PCDHGB1: variants seen among roughly 807,000 people sequenced by gnomAD.
The protein encoded by PCDHGB1 is protocadherin gamma subfamily B, 1.
Under a neutral mutation model 56.6 loss-of-function variants are expected in PCDHGB1, and 34 were observed. That is an observed-to-expected ratio of 0.60 (90% CI 0.46 to 0.80). The LOEUF (loss-of-function observed/expected upper bound fraction) is 0.80. Among genes scored for constraint, PCDHGB1 ranks in the 30% least tolerant of loss-of-function variants. The pLI, the probability that PCDHGB1 is intolerant of heterozygous loss-of-function variation, is 0.00. For missense variants in PCDHGB1, 1,278 were observed against 1,204.6 expected, an observed-to-expected ratio of 1.06 and a Z score of -0.90; for synonymous variants, 561 against 505.9, an observed-to-expected ratio of 1.11 and a Z score of -1.46.
chr5:141,393,896 T>G (rs754023896), intron 1 of PCDHGB1: 1 of 1,613,942 alleles, frequency 6.2e-7, no homozygotes, highest in Non-Finnish European at 8.5e-7. Context: ...AAAATTCTCT[T>G]CCCGGGACAG....
At chr5:141,460,035 A>G (rs1246945474) in intron 1 of PCDHGB1, among the ~76,000 whole-genome samples, 1 of 152,140 alleles carries the variant, frequency 6.6e-6, no homozygotes, top group Non-Finnish European at 1.5e-5. Context: ...CCGAGACTGC[A>G]CCACTGCACT....
intron 2 of PCDHGB1, among the ~76,000 whole-genome samples, chr5:141,502,152 C>T (rs1306227782): frequency 2.0e-5 from 3 of 152,128 alleles, no homozygotes; most frequent in African/African-American, 4.8e-5. Flanking sequence ...AAGTAAGGAC[C>T]CCAGATATTC....
intron 1 of PCDHGB1, chr5:141,383,053 C>G: frequency 6.2e-7 from 1 of 1,613,896 alleles, no homozygotes; most frequent in South Asian, 1.1e-5. Context: ...CGCCAAGGAC[C>G]TGGGGCTGGA....
chr5:141,422,723 G>A lies in PCDHGB1; in HGVS notation c.2409+70054G>A. The stretch of plus-strand genomic sequence containing the variant: ...TCTCTGACGGATGACACTGTCCAGG[G>A]GGTGCCTCTGTCCTCCTATGTCTCT... On this transcript the variant is annotated intron_variant, in intron 1 of 3. Coordinates refer to ENST00000523390, the MANE Select transcript of PCDHGB1 (RefSeq NM_018922.3). The A allele has an allele frequency of 1.2e-6, 2 of 1,605,958 alleles. No homozygotes were observed. The highest frequency in any genetic ancestry group is 1.7e-6 in the Non-Finnish European group (2 of 1,175,478).
intron 1 of PCDHGB1, chr5:141,417,652 GCCTGGGATTC>G: frequency 2.4e-6 from 2 of 840,506 alleles, no homozygotes; most frequent in Non-Finnish European, 3.5e-6. Context: ...TCAGCCTCTA[GCCTGGGATTC>G]CCTGCGCAGC....
At chr5:141,419,792 G>T (rs1379811891) in intron 1 of PCDHGB1, 15 of 1,613,924 alleles carry the variant, frequency 9.3e-6, no homozygotes, top group African/African-American at 2.7e-5. Flanking sequence ...CCTGCTAGTC[G>T]CTGTAAGAGA....
chr5:141,355,930 C>G, intron 1 of PCDHGB1: 19 of 1,613,870 alleles, frequency 1.2e-5, no homozygotes, highest in Non-Finnish European at 1.6e-5. Flanking sequence ...CGTGTTCACT[C>G]AGCCCGAGTA....
intron 1 of PCDHGB1, among the ~76,000 whole-genome samples, chr5:141,471,744 A>G (rs2099263733): frequency 6.6e-6 from 1 of 152,208 alleles, no homozygotes; most frequent in South Asian, 2.1e-4. Context: ...GAGACATAAC[A>G]TATTTGAGGG....
intron 1 of PCDHGB1, chr5:141,370,873 C>T: frequency 6.2e-7 from 1 of 1,614,064 alleles, no homozygotes; most frequent in Non-Finnish European, 8.5e-7. Flanking sequence ...GCGCAAGATC[C>T]TGATGTAGGT....
At position 141,431,435 on chromosome 5, in the gene PCDHGB1, G is replaced by A. The variant is rs376827063; in HGVS notation, c.2410-63372G>A. ...GGGCGACCCGGTGCGCACAGGCACC[G>A]CGCGCATCCGCGTGATGGTTCTGGA... On this transcript the variant is annotated intron_variant, in intron 1 of 3. Coordinates refer to ENST00000523390, the MANE Select transcript of PCDHGB1 (RefSeq NM_018922.3). The surrounding 1 kb of genome is among the most constrained non-coding windows in gnomAD (Gnocchi z 4.8). 2.5e-6 allele frequency: 4 copies of A among 1,613,550 alleles called. No homozygotes were observed. Among genetic ancestry groups the A allele is most frequent in the Non-Finnish European group, 3.4e-6 (4 of 1,180,034 alleles).
In PCDHGB1 at chr5:141,477,486, C is replaced by T. The variant is rs1472326209; in HGVS notation, c.2410-17321C>T. On this transcript the variant is annotated intron_variant, in intron 1 of 3. Coordinates refer to ENST00000523390, the MANE Select transcript of PCDHGB1 (RefSeq NM_018922.3). This position sits in a 1 kb window ranked among gnomAD's most constrained non-coding sequence, Gnocchi z 4.9. ...GACATCAATGACAACCCTCCACAATCTTCTCAATCTTCCTACGACGTTTAC... is the reference window on the plus strand; with the variant it reads ...GACATCAATGACAACCCTCCACAATTTTCTCAATCTTCCTACGACGTTTAC... 6.2e-7 allele frequency: 1 copy of T among 1,614,052 alleles called. No individual in the cohort carries two copies. The highest frequency in any genetic ancestry group is 1.3e-5 in the African/African-American group (1 of 74,914).
At position 141,476,902 on chromosome 5, in the gene PCDHGB1, C is replaced by T. The variant is rs1399250599; in HGVS notation, c.2410-17905C>T. ...TGGAGGATGCACCCTCCGGCACGCG[C>T]GTGGTACAAGTCCTTGCAACGGATC... On this transcript the variant is annotated intron_variant, in intron 1 of 3. Transcript: ENST00000523390. This position sits in a 1 kb window ranked among gnomAD's most constrained non-coding sequence, Gnocchi z 7.6. 2 of 1,613,998 alleles carry T rather than the reference C, an allele frequency of 1.2e-6. No individual in the cohort carries two copies. The highest frequency in any genetic ancestry group is 1.7e-6 in the Non-Finnish European group (2 of 1,180,034).
rs144317211 is a variant in PCDHGB1 at position 141,432,088 on chromosome 5, A to G, written c.2410-62719A>G. On this transcript the variant is annotated intron_variant, in intron 1 of 3. Transcript: ENST00000523390. This position sits in a 1 kb window ranked among gnomAD's most constrained non-coding sequence, Gnocchi z 6.0. Reference sequence around the variant, plus strand: ...AAACTCATATCTCGCTGAACGTGGCAGACACCAACGACAACCCGCCGGTCT... The same window carrying G: ...AAACTCATATCTCGCTGAACGTGGCGGACACCAACGACAACCCGCCGGTCT... The G allele has an allele frequency of 6.2e-7, 1 of 1,614,148 alleles. No individual in the cohort carries two copies. Among genetic ancestry groups the G allele is most frequent in the South Asian group, 1.1e-5 (1 of 91,074 alleles).
At chr5:141,427,780 T>C (rs2097069858) in intron 1 of PCDHGB1, 1 of 1,456,004 alleles carries the variant, frequency 6.9e-7, no homozygotes. Flanking sequence ...CTGCGGGCAC[T>C]GTCGTCCTAC....
chr5:141,488,014 C>T (rs2099670661), intron 1 of PCDHGB1, among the ~76,000 whole-genome samples: 1 of 152,120 alleles, frequency 6.6e-6, no homozygotes, highest in South Asian at 2.1e-4. Context: ...TCTGAAGTAC[C>T]TTAACTCTAG....
chr5:141,422,397 C>T (rs753017439), intron 1 of PCDHGB1: 4 of 1,597,606 alleles, frequency 2.5e-6, no homozygotes, highest in East Asian at 4.5e-5. Context: ...TTCCTAACCA[C>T]CTGCCTTTTA....
At chr5:141,413,202 G>T (rs768256888) in intron 1 of PCDHGB1, 19 of 1,612,062 alleles carry the variant, frequency 1.2e-5, no homozygotes, top group Non-Finnish European at 1.6e-5. Flanking sequence ...ATCGCTCAAA[G>T]GAATCAAAGG....
At position 141,390,019 on chromosome 5, in the gene PCDHGB1, G is replaced by A. The variant is rs1047341984; in HGVS notation, c.2409+37350G>A. The A allele has an allele frequency of 1.9e-6, 3 of 1,614,002 alleles. No individual in the cohort carries two copies. Among genetic ancestry groups the A allele is most frequent in the Non-Finnish European group, 2.5e-6 (3 of 1,179,896 alleles). Reference sequence around the variant, plus strand: ...GCCATGATTCTGGCCATTGCCTTGCGCCTGCGACGCTCCTCCAGCCCCGCC... The same window carrying A: ...GCCATGATTCTGGCCATTGCCTTGCACCTGCGACGCTCCTCCAGCCCCGCC... On this transcript the variant is annotated intron_variant, in intron 1 of 3. Transcript: ENST00000523390.
chr5:141,477,553 A>T lies in PCDHGB1; in HGVS notation c.2410-17254A>T, dbSNP rs1478806410. 6.2e-7 allele frequency: 1 copy of T among 1,614,090 alleles called. No homozygotes were observed. Among genetic ancestry groups the T allele is most frequent in the Admixed American group, 1.7e-5 (1 of 60,028 alleles). On this transcript the variant is annotated intron_variant, in intron 1 of 3. Coordinates refer to ENST00000523390, the MANE Select transcript of PCDHGB1 (RefSeq NM_018922.3). The surrounding 1 kb of genome is among the most constrained non-coding windows in gnomAD (Gnocchi z 4.9). ...TCCCCGGGGCTCCAATACTAAACCT[A>T]AGTGTCTGGGACCCCGACGCCCCGC...
Sources: gnomAD v4.1 joint callset for allele counts (sites outside exome capture counted in the v4.1 genomes callset) on GRCh38, gnomAD v4.1.1 for gene constraint, Gnocchi (gnomAD v3.1) non-coding constraint, MANE v1.5 for transcripts, NCBI Gene and HGNC (gene_info 2026-07-23, HGNC 2026-07-21) for gene names.